MPP3: variants seen among roughly 807,000 people sequenced by gnomAD.
MPP3 encodes the protein MAGUK p55 scaffold protein 3.
In MPP3, 48 loss-of-function variants were observed where a neutral mutation model predicts 80.7. The observed-to-expected ratio is 0.59, with a 90% CI of 0.47 to 0.76. The LOEUF (loss-of-function observed/expected upper bound fraction) is 0.76, where lower values mean the gene tolerates loss of function less well. Among genes scored for constraint, MPP3 ranks in the 30% least tolerant of loss-of-function variants. The pLI is 0.00. For missense variants in MPP3, 620 were observed against 763.0 expected, an observed-to-expected ratio of 0.81 and a Z score of 2.21; for synonymous variants, 311 against 297.6, an observed-to-expected ratio of 1.04 and a Z score of -0.46.
At position 43,827,840 on chromosome 17, in the gene MPP3, CGAGACAGAA is replaced by C. The variant is rs2143116758; in HGVS notation, c.442-17_442-9del. On this transcript the variant is annotated splice_polypyrimidine_tract_variant and intron_variant, in intron 7 of 19. Coordinates refer to ENST00000398389, the MANE Select transcript of MPP3 (RefSeq NM_001932.6). The stretch of plus-strand genomic sequence containing the variant: ...CCGCCGGATGGTGGCACCCTGAACC[CGAGACAGAA>C]GAGACAGGTTCTTAAGCAGCAGCTC... 9.9e-6 allele frequency: 16 copies of C among 1,612,980 alleles called. No individual in the cohort carries two copies. Among genetic ancestry groups the C allele is most frequent in the Non-Finnish European group, 1.4e-5 (16 of 1,179,920 alleles).
At position 43,820,952 on chromosome 17, in the gene MPP3, C is replaced by G. The variant is rs759904711; in HGVS notation, c.791G>C (p.Ser264Thr). 2 of 1,613,910 alleles carry G rather than the reference C, an allele frequency of 1.2e-6. No homozygotes were observed. The highest frequency in any genetic ancestry group is 1.7e-6 in the Non-Finnish European group (2 of 1,179,986). ...CTGCCACCACGTGGGGTCGTCCTGG[C>G]TCACCACCTCCAGGACCTGCCTGCG... ...FQRRQVLEVV[S>T]QDDPTWWQAK... Residue 264 changes from serine to threonine, a missense_variant, in exon 11 of 20, where the codon AGC (serine) becomes ACC (threonine). Coordinates refer to ENST00000398389, the MANE Select transcript of MPP3 (RefSeq NM_001932.6).
At chr17:43,816,238 A>C (rs2045125393) in intron 13 of MPP3, among the ~76,000 whole-genome samples, 159 bp from the exon 14 acceptor site, 1 of 152,154 alleles carries the variant, frequency 6.6e-6, no homozygotes, top group Non-Finnish European at 1.5e-5. Flanking sequence ...CCAAGAAAGC[A>C]AGGTCCTCTG....
chr17:43,819,660 G>A (rs546132924), intron 11 of MPP3, among the ~76,000 whole-genome samples: 1 of 152,244 alleles, frequency 6.6e-6, no homozygotes, highest in South Asian at 2.1e-4. Context: ...GCCAGCACAA[G>A]GCCAGCTCAA....
intron 8 of MPP3, 150 bp downstream of exon 8, chr17:43,827,601 A>G: frequency 1.5e-6 from 1 of 689,272 alleles, no homozygotes; most frequent in Non-Finnish European, 2.4e-6. Flanking sequence ...GAAGGAGATG[A>G]GAATTCCAGC....
At position 43,809,491 on chromosome 17, in the gene MPP3, G is replaced by A. The variant is rs115807159; in HGVS notation, c.1459-413C>T. Among the ~76,000 whole-genome samples, 639 of 152,278 alleles carry A rather than the reference G, an allele frequency of 4.2e-3. 5 individuals are homozygous for A. The highest frequency in any genetic ancestry group is 0.013 in the African/African-American group (550 of 41,538). ...ATCGGACTACATTATTACAAACTTT[G>A]TGCTATTACATCTCCTCTTGGTATT... On this transcript the variant is annotated intron_variant, in intron 18 of 19. Transcript: ENST00000398389.
chr17:43,814,838 A>T (rs1353866401), intron 14 of MPP3, among the ~76,000 whole-genome samples: 1 of 152,248 alleles, frequency 6.6e-6, no homozygotes, highest in Non-Finnish European at 1.5e-5. Context: ...CTTAGGAAAT[A>T]CATGCTGAGA....
At chr17:43,831,530 C>T (rs758132843) in intron 4 of MPP3, 29 bp downstream of exon 4, 2 of 1,533,268 alleles carry the variant, frequency 1.3e-6, no homozygotes, top group Non-Finnish European at 1.8e-6. Context: ...TCTAGACACC[C>T]TTCCACGCAG....
chr17:43,818,036 A>G lies in MPP3; in HGVS notation c.946+10T>C. The G allele has an allele frequency of 3.8e-6, 6 of 1,576,938 alleles. No individual in the cohort carries two copies. The highest frequency in any genetic ancestry group is 1.4e-5 in the African/African-American group (1 of 73,380). ...CCTCCCTGGAGTGCCATCCCTGACA[A>G]TCTACTCACAGGGGGGCTTCCTGAG... On this transcript the variant is annotated intron_variant, in intron 12 of 19. Transcript: ENST00000398389.
chr17:43,805,979 AACAC>A (rs1457190526), intron 19 of MPP3, among the ~76,000 whole-genome samples: 3 of 152,232 alleles, frequency 2.0e-5, no homozygotes, highest in African/African-American at 7.2e-5. Flanking sequence ...CCCTCCAAAA[AACAC>A]ACAGAAAACA....
At chr17:43,827,614 C>T (rs2045773857) in intron 8 of MPP3, 137 bp downstream of exon 8, 2 of 759,216 alleles carry the variant, frequency 2.6e-6, no homozygotes, top group South Asian at 3.4e-5. Flanking sequence ...ATTCCAGCCA[C>T]AACCCCAGAA....
intron 7 of MPP3, 87 bp downstream of exon 7, chr17:43,829,567 C>G: frequency 6.6e-7 from 1 of 1,516,618 alleles, no homozygotes; most frequent in Non-Finnish European, 8.9e-7. Context: ...ACTCTGAAGA[C>G]TTCGGGGAGG....
chr17:43,806,852 C>T (rs2044638328), intron 19 of MPP3, among the ~76,000 whole-genome samples: 1 of 152,154 alleles, frequency 6.6e-6, no homozygotes, highest in Non-Finnish European at 1.5e-5. Context: ...AGGTGATCCA[C>T]CCGCCTTGGC....
At chr17:43,819,796 A>T (rs893372250) in intron 11 of MPP3, among the ~76,000 whole-genome samples, 2 of 141,914 alleles carry the variant, frequency 1.4e-5, no homozygotes, top group Non-Finnish European at 3.1e-5. Flanking sequence ...AAAAATGTTT[A>T]AAAAAAAAAA....
chr17:43,817,942 C>G (rs910575995), intron 12 of MPP3, 104 bp downstream of exon 12: 1 of 996,884 alleles, frequency 1.0e-6, no homozygotes, highest in Non-Finnish European at 1.5e-6. Context: ...AGACAAGACC[C>G]CTGATGCCCC....
chr17:43,829,922 G>T, intron 6 of MPP3, 105 bp downstream of exon 6: 1 of 1,545,732 alleles, frequency 6.5e-7, no homozygotes, highest in Non-Finnish European at 8.9e-7. Context: ...TAGTGCTGAG[G>T]ATCGCTCCCT....
At chr17:43,811,392 A>G in intron 16 of MPP3, 187 bp from the exon 17 acceptor site, 1 of 589,446 alleles carries the variant, frequency 1.7e-6, no homozygotes, top group Non-Finnish European at 3.0e-6. Flanking sequence ...GATTCACACA[A>G]CAACTCTTTG....
At chr17:43,805,199 G>T (rs1048254181) in intron 19 of MPP3, among the ~76,000 whole-genome samples, 3 of 152,118 alleles carry the variant, frequency 2.0e-5, no homozygotes, top group Non-Finnish European at 4.4e-5. Context: ...TATAAAAATG[G>T]CCAATAAACA....
intron 19 of MPP3, among the ~76,000 whole-genome samples, chr17:43,804,702 C>A (rs1026116766): frequency 6.6e-6 from 1 of 152,168 alleles, no homozygotes; most frequent in African/African-American, 2.4e-5. Flanking sequence ...GACTTTATCA[C>A]ATTTTAAAAT....
At position 43,816,687 on chromosome 17, in the gene MPP3, A is replaced by G; in HGVS notation, c.957T>C (p.Pro319=). 3 of 1,577,632 alleles carry G rather than the reference A, an allele frequency of 1.9e-6. No individual in the cohort carries two copies. Among genetic ancestry groups the G allele is most frequent in the South Asian group, 2.3e-5 (2 of 85,650 alleles). Residue 319 remains proline, a synonymous_variant, in exon 13 of 20, where the codon CCT becomes CCC. Coordinates refer to ENST00000398389, the MANE Select transcript of MPP3 (RefSeq NM_001932.6). The part of the protein sequence containing the change: ...QSLRKPPYDQ[P]CDKETCDCEG... ...AGATACTGGGCCTACCTTTGTCACAAGGCTGATCATCTGCGGTTTGCACAA... is the reference window on the plus strand; with the variant it reads ...AGATACTGGGCCTACCTTTGTCACAGGGCTGATCATCTGCGGTTTGCACAA...
Sources: gnomAD v4.1 joint callset for allele counts (sites outside exome capture counted in the v4.1 genomes callset) on GRCh38, gnomAD v4.1.1 for gene constraint, MANE v1.5 for transcripts, NCBI Gene and HGNC (gene_info 2026-07-23, HGNC 2026-07-21) for gene names.